The following C8orf34 variants were observed in gnomAD, a reference collection of about 807,000 sequenced individuals.
The protein encoded by C8orf34 is uncharacterized protein C8orf34.
Under a neutral mutation model 68.3 loss-of-function variants are expected in C8orf34, and 65 were observed. The ratio of observed to expected loss-of-function variants is 0.95; its 90% CI spans 0.78 to 1.17. C8orf34 has a LOEUF of 1.17. Among genes scored for constraint, C8orf34 ranks in the 50% most tolerant of loss-of-function variants. C8orf34 has a pLI of 0.00. For missense variants in C8orf34, 664 were observed against 655.4 expected (o/e 1.01, Z -0.14); for synonymous variants, 244 against 241.2 (o/e 1.01, Z -0.11).
At chr8:68,686,941 CA>C (rs1341226747) in intron 8 of C8orf34, among the ~76,000 whole-genome samples, 7 of 152,036 alleles carry the variant, frequency 4.6e-5, no homozygotes, top group African/African-American at 1.7e-4. Context: ...GTTACAAAAT[CA>C]ATGTACACAA....
chr8:68,411,867 A>G (rs557088928), intron 1 of C8orf34, among the ~76,000 whole-genome samples: 69 of 152,296 alleles, frequency 4.5e-4, no homozygotes, highest in African/African-American at 1.5e-3. Flanking sequence ...GAATGTTTGT[A>G]TCCCTCCAAA....
intron 10 of C8orf34, among the ~76,000 whole-genome samples, chr8:68,744,595 C>A (rs1387574420): frequency 1.3e-5 from 2 of 151,966 alleles, no homozygotes; most frequent in Non-Finnish European, 2.9e-5. Flanking sequence ...ATGCAGAAGC[C>A]TCAGGAGCCG....
intron 10 of C8orf34, among the ~76,000 whole-genome samples, chr8:68,749,638 A>T (rs912635574): frequency 6.6e-6 from 1 of 152,270 alleles, no homozygotes; most frequent in East Asian, 1.9e-4. Flanking sequence ...CCACTGATAT[A>T]CTTTCTGTTC....
chr8:68,622,962 T>C (rs557504630), intron 7 of C8orf34, among the ~76,000 whole-genome samples: 1 of 152,348 alleles, frequency 6.6e-6, no homozygotes, highest in East Asian at 1.9e-4. Context: ...ACTGGTGTTA[T>C]GGTAAAAGCA....
chr8:68,430,030 A>G (rs1810388408), intron 1 of C8orf34, among the ~76,000 whole-genome samples: 1 of 152,106 alleles, frequency 6.6e-6, no homozygotes. Context: ...GCTGCTTGCC[A>G]GACAGACCAA....
At chr8:68,693,197 G>A (rs1214152940) in intron 8 of C8orf34, among the ~76,000 whole-genome samples, 1 of 152,024 alleles carries the variant, frequency 6.6e-6, no homozygotes, top group Non-Finnish European at 1.5e-5. Context: ...AGACGCATCA[G>A]TCTGTAAAGG....
chr8:68,775,618 TCTGTCC>T, intron 10 of C8orf34, among the ~76,000 whole-genome samples: 1 of 152,228 alleles, frequency 6.6e-6, no homozygotes, highest in Non-Finnish European at 1.5e-5. Context: ...AGGTTAATTG[TCTGTCC>T]TCTATGTAAA....
intron 10 of C8orf34, among the ~76,000 whole-genome samples, chr8:68,728,104 A>T (rs893844068): frequency 1.8e-4 from 27 of 152,216 alleles, no homozygotes; most frequent in African/African-American, 6.5e-4. Context: ...CCCAGGTTAC[A>T]TCTTGAATAC....
chr8:68,796,788 T>G, intron 12 of C8orf34, among the ~76,000 whole-genome samples: 1 of 152,062 alleles, frequency 6.6e-6, no homozygotes, highest in South Asian at 2.1e-4. Flanking sequence ...TGACTTTGAT[T>G]AGTTCAGCTT....
At chr8:68,406,909 AC>A (rs1809221646) in intron 1 of C8orf34, among the ~76,000 whole-genome samples, 1 of 152,136 alleles carries the variant, frequency 6.6e-6, no homozygotes, top group South Asian at 2.1e-4. Flanking sequence ...GCCTCTTATT[AC>A]TGGTGGGGTT....
At chr8:68,583,362 T>C (rs1817120446) in intron 7 of C8orf34, among the ~76,000 whole-genome samples, 1 of 152,176 alleles carries the variant, frequency 6.6e-6, no homozygotes, top group South Asian at 2.1e-4. Context: ...AACTAATTAA[T>C]ATCTCCACTT....
intron 8 of C8orf34, among the ~76,000 whole-genome samples, chr8:68,697,375 G>T (rs917272420): frequency 1.3e-5 from 2 of 151,896 alleles, no homozygotes; most frequent in African/African-American, 2.4e-5. Flanking sequence ...TAGACTCCTC[G>T]CAGCTTCCTC....
Position 68,488,041 on chromosome 8 carries a change from A to G in C8orf34, c.755A>G (p.Glu252Gly), listed in dbSNP as rs754724570. ...ATCCCAGGTATTGCAATTTCAGATG[A>G]ACTCGATAAGGTAAGTTGAACTATA... ...NLSRSIAISD[E>G]LDKETVTFNS... The change falls in exon 5 of 14, where the codon GAA becomes GGA. Residue 252 changes from glutamate (E) to glycine (G), a missense_variant. Transcript: ENST00000518698. 67 of 1,592,810 alleles carry G rather than the reference A, an allele frequency of 4.2e-5. No homozygotes were observed. The highest frequency in any genetic ancestry group is 5.7e-5 in the Non-Finnish European group (67 of 1,169,654).
intron 7 of C8orf34, among the ~76,000 whole-genome samples, chr8:68,616,159 C>A (rs978179255): frequency 7.9e-5 from 12 of 150,998 alleles, no homozygotes; most frequent in Middle Eastern, 3.4e-3. Flanking sequence ...TTTTTTATTG[C>A]GTCTATTTGA....
chr8:68,616,790 T>C (rs1254069330), intron 7 of C8orf34, among the ~76,000 whole-genome samples: 1 of 152,168 alleles, frequency 6.6e-6, no homozygotes, highest in African/African-American at 2.4e-5. Flanking sequence ...GAGAGTTCTG[T>C]AGATGTCTAT....
intron 7 of C8orf34, chr8:68,534,789 C>T: frequency 1.0e-6 from 1 of 985,366 alleles, no homozygotes; most frequent in Non-Finnish European, 1.2e-6. Context: ...TGCAGTTGTC[C>T]ACTCCATGCT....
At chr8:68,443,430 C>G (rs866556750) in intron 2 of C8orf34, among the ~76,000 whole-genome samples, 1 of 152,102 alleles carries the variant, frequency 6.6e-6, no homozygotes, top group South Asian at 2.1e-4. Flanking sequence ...GAGTCTCGCT[C>G]TGTCACCAGG....
intron 1 of C8orf34, among the ~76,000 whole-genome samples, chr8:68,358,384 G>A (rs186989896): frequency 4.1e-4 from 63 of 151,832 alleles, no homozygotes; most frequent in African/African-American, 1.4e-3. Flanking sequence ...TCCCCATTGT[G>A]TTGCCGGCTC....
chr8:68,595,771 AT>A (rs1188466247), intron 7 of C8orf34, among the ~76,000 whole-genome samples: 2 of 152,134 alleles, frequency 1.3e-5, no homozygotes, highest in East Asian at 1.9e-4. Context: ...TTTAAAAATT[AT>A]TTTCATCTCT....
Sources: gnomAD v4.1 joint callset for allele counts (sites outside exome capture counted in the v4.1 genomes callset) on GRCh38, gnomAD v4.1.1 for gene constraint, MANE v1.5 for transcripts, NCBI Gene and HGNC (gene_info 2026-07-23, HGNC 2026-07-21) for gene names.